The following FLNB variants were observed in gnomAD, a reference collection of about 807,000 sequenced individuals.
The protein encoded by FLNB is filamin B, also known as filamin-B.
In FLNB, 111 loss-of-function variants were observed where a neutral mutation model predicts 250.6. The ratio of observed to expected loss-of-function variants is 0.44; its 90% CI spans 0.38 to 0.52. The LOEUF is 0.52. Ranked by LOEUF, FLNB falls within the 20% of genes least tolerant of loss-of-function variation. The pLI is 0.00. For missense variants in FLNB, 2,869 were observed against 3,447.8 expected (o/e 0.83, Z 4.20); for synonymous variants, 1,302 against 1,372.1 (o/e 0.95, Z 1.13).
At position 58,008,872 on chromosome 3, in the gene FLNB, G is replaced by A. The variant is rs761661209; in HGVS notation, c.292+16G>A. ...GTGTCCATCGGTGAGTTCTCTGGCC[G>A]GGCCCAGGCGCCCACTGTGGTGCCG... On this transcript the variant is annotated intron_variant, in intron 1 of 45. Coordinates refer to ENST00000295956, the MANE Select transcript of FLNB (RefSeq NM_001457.4). 1.2e-6 allele frequency: 2 copies of A among 1,613,292 alleles called. No homozygotes were observed. The highest frequency in any genetic ancestry group is 2.2e-5 in the South Asian group (2 of 91,072).
intron 1 of FLNB, among the ~76,000 whole-genome samples, chr3:58,049,555 G>T (rs764487076): frequency 1.3e-5 from 2 of 152,192 alleles, no homozygotes; most frequent in Non-Finnish European, 2.9e-5. Context: ...TCCAGTTTTG[G>T]TAATAAATGG....
intron 36 of FLNB, 141 bp downstream of exon 36, chr3:58,148,993 T>C: frequency 1.3e-6 from 1 of 788,036 alleles, no homozygotes; most frequent in Non-Finnish European, 2.2e-6. Flanking sequence ...CTGCATTGTC[T>C]TTTATGCCTC....
At chr3:58,092,746 T>TA (rs1205234883) in intron 4 of FLNB, among the ~76,000 whole-genome samples, 1 of 152,174 alleles carries the variant, frequency 6.6e-6, no homozygotes, top group East Asian at 1.9e-4. Context: ...AATGAAAACT[T>TA]ACTGTATATG....
At chr3:58,050,037 T>C (rs1253931892) in intron 1 of FLNB, among the ~76,000 whole-genome samples, 2 of 142,690 alleles carry the variant, frequency 1.4e-5, no homozygotes, top group African/African-American at 2.7e-5. Flanking sequence ...TTTTTTTTTT[T>C]TCTTTTTTTT....
intron 35 of FLNB, 58 bp downstream of exon 35, chr3:58,148,422 C>A: frequency 6.4e-7 from 1 of 1,567,614 alleles, no homozygotes; most frequent in Non-Finnish European, 8.7e-7. Flanking sequence ...GAGATGGGGA[C>A]TCTTGCAGTC....
intron 19 of FLNB, among the ~76,000 whole-genome samples, chr3:58,119,941 C>T (rs138942070): frequency 1.1e-3 from 166 of 152,352 alleles, no homozygotes; most frequent in African/African-American, 3.8e-3. Context: ...ATCATTCACT[C>T]CTACATCTTT....
chr3:58,134,920 G>T, intron 27 of FLNB, 148 bp downstream of exon 27: 1 of 727,754 alleles, frequency 1.4e-6, no homozygotes, highest in Non-Finnish European at 2.3e-6. Flanking sequence ...TAAATGTGCA[G>T]AAGCAGAAGC....
chr3:58,143,630 G>A lies in FLNB; in HGVS notation c.5425+17G>A. On this transcript the variant is annotated intron_variant, in intron 32 of 45. Transcript: ENST00000295956. Reference sequence around the variant, plus strand: ...ACATCCCTGGTAAGCTGAGTCAGCAGGCCCAGCAGGGCTCCACCATTCAGG... The same window carrying A: ...ACATCCCTGGTAAGCTGAGTCAGCAAGCCCAGCAGGGCTCCACCATTCAGG... 1 of 1,613,338 alleles carries A rather than the reference G, an allele frequency of 6.2e-7. No homozygotes were observed. The highest frequency in any genetic ancestry group is 8.5e-7 in the Non-Finnish European group (1 of 1,180,026).
Position 58,096,123 on chromosome 3 carries a change from GC to G in FLNB, c.907-15del. ...ACACCCGGCACCTTTTCTAACTGTTGCCCACCTTCCCTCCTAGGCACAAGTG... is the reference window on the plus strand; with the variant it reads ...ACACCCGGCACCTTTTCTAACTGTTGCCACCTTCCCTCCTAGGCACAAGTG... On this transcript the variant is annotated splice_polypyrimidine_tract_variant and intron_variant, in intron 5 of 45. Transcript: ENST00000295956. 1 of 1,605,202 alleles carries G rather than the reference GC, an allele frequency of 6.2e-7. No homozygotes were observed. The highest frequency in any genetic ancestry group is 8.5e-7 in the Non-Finnish European group (1 of 1,172,554).
At chr3:58,145,709 T>C (rs2097334707) in intron 32 of FLNB, among the ~76,000 whole-genome samples, 1 of 152,122 alleles carries the variant, frequency 6.6e-6, no homozygotes, top group Admixed American at 6.5e-5. Context: ...TTTCTTATGT[T>C]GTGATTGAAG....
rs752628786 is a variant in FLNB, at chr3:58,150,161, C to T, written c.6301C>T (p.Arg2101Cys). The T allele has an allele frequency of 1.7e-5, 27 of 1,614,228 alleles. No individual in the cohort carries two copies. In the East Asian group the frequency reaches 3.8e-4, roughly 23 times the overall value. ...GEGRVKESITRTSRAPSVATV... is the reference protein window; with the variant it reads ...GEGRVKESITCTSRAPSVATV... ...GGGAAGAGTCAAAGAGAGCATCACC[C>T]GCACCAGTCGGGCCCCGTCCGTGGC... Residue 2101 changes from arginine to cysteine, a missense_variant, in exon 38 of 46, where the codon CGC becomes TGC. Arg to Cys is a radical substitution (Grantham distance 180). Transcript: ENST00000295956.
In FLNB at chr3:58,020,048, G is replaced by GGTGTGTGTGT. The variant is rs373280518; in HGVS notation, c.292+11231_292+11240dup. Among the ~76,000 whole-genome samples the GGTGTGTGTGT allele has an allele frequency of 8.8e-3, 1,210 of 136,962 alleles. 15 individuals are homozygous for GGTGTGTGTGT. Among genetic ancestry groups the GGTGTGTGTGT allele is most frequent in the African/African-American group, 0.01 (383 of 36,848 alleles). 89.9% of individuals were successfully genotyped at this position (136,962 alleles called of 152,430 possible). A position where few individuals can be genotyped will look rare whatever the true frequency, so the allele number is the denominator to read the frequency against. ...ACAGCACACACCATGACACCACAGG[G>GGTGTGTGTGT]GTGTGTGTGTGTGTGTGTGTGTGTG... On this transcript the variant is annotated intron_variant, in intron 1 of 45. Coordinates refer to ENST00000295956, the MANE Select transcript of FLNB (RefSeq NM_001457.4).
rs1174805764 is a variant in FLNB at position 58,024,701 on chromosome 3, C to CTTTTTTTTTTTTTTTTT, written c.292+15856_292+15872dup. On this transcript the variant is annotated intron_variant, in intron 1 of 45. Transcript: ENST00000295956. ...ATTTCTGGTCTTCTGGCCAAGCCTC[C>CTTTTTTTTTTTTTTTTT]TTTTTTTTTTTTTTTTTTTTTTTTT... is the stretch of plus-strand genomic sequence containing the variant. Among the ~76,000 whole-genome samples, 18 of 83,762 alleles carry CTTTTTTTTTTTTTTTTT rather than the reference C, an allele frequency of 2.1e-4. 2 individuals carry two copies. Among genetic ancestry groups the CTTTTTTTTTTTTTTTTT allele is most frequent in the South Asian group, 5.9e-4 (1 of 1,706 alleles). 55.0% of individuals were successfully genotyped at this position (83,762 alleles called of 152,430 possible). A position where few individuals can be genotyped will look rare whatever the true frequency, so the allele number is the denominator to read the frequency against.
intron 1 of FLNB, among the ~76,000 whole-genome samples, chr3:58,070,192 C>T (rs1013998769): frequency 3.3e-5 from 5 of 151,716 alleles, no homozygotes; most frequent in Admixed American, 1.3e-4. Context: ...GGATTACAGG[C>T]GCCTGCCATT....
At chr3:58,015,666 T>C (rs998449926) in intron 1 of FLNB, among the ~76,000 whole-genome samples, 3 of 152,080 alleles carry the variant, frequency 2.0e-5, no homozygotes, top group African/African-American at 7.2e-5. Flanking sequence ...CTGGGGACTT[T>C]GTTAAAAATG....
At chr3:58,067,608 T>G (rs992929903) in intron 1 of FLNB, among the ~76,000 whole-genome samples, 2 of 151,396 alleles carry the variant, frequency 1.3e-5, no homozygotes, top group African/African-American at 4.9e-5. Context: ...TTTTTTGTTT[T>G]TTTTTTGGGA....
At position 58,123,501 on chromosome 3, in the gene FLNB, G is replaced by A. The variant is rs17058845; in HGVS notation, c.3535G>A (p.Glu1179Lys). The A allele has an allele frequency of 4.2e-3, 6,673 of 1,603,820 alleles. 236 individuals carry two copies. In the African/African-American group the frequency reaches 0.078, roughly 19 times the overall value. ...EAVSDSGTKA[E>K]VSIQNNKDGT... Reference sequence around the variant, plus strand: ...TGTCTCGGACTCGGGAACAAAAGCCGAAGTCAGTATTCAGAACAACAAAGA... The same window carrying A: ...TGTCTCGGACTCGGGAACAAAAGCCAAAGTCAGTATTCAGAACAACAAAGA... The change falls in exon 21 of 46, where the codon GAA becomes AAA. Residue 1179 changes from glutamate (E) to lysine (K), a missense_variant. Physicochemically the swap from Glu to Lys is moderately conservative, Grantham distance 56. This residue lies in a region of FLNB where 1,348 missense variants were observed against 1,466.7 expected (regional missense o/e 0.92). Transcript: ENST00000295956.
At chr3:58,043,661 G>A (rs1258093505) in intron 1 of FLNB, among the ~76,000 whole-genome samples, 1 of 152,006 alleles carries the variant, frequency 6.6e-6, no homozygotes, top group Non-Finnish European at 1.5e-5. Context: ...TGGCATCTCT[G>A]GACCTTTATG....
In FLNB at chr3:58,159,326, C is replaced by G. The variant is rs112098486; in HGVS notation, c.6889-228C>G. On this transcript the variant is annotated intron_variant, in intron 41 of 45. Coordinates refer to ENST00000295956, the MANE Select transcript of FLNB (RefSeq NM_001457.4). ...TCAAGTATCCAAGCCCAGAAATCAT[C>G]TCTTCTAGGCTGAATCAAGATGGTT... 2.6e-3 allele frequency among the ~76,000 whole-genome samples: 398 copies of G among 152,324 alleles called. 3 individuals are homozygous for G. Among genetic ancestry groups the G allele is most frequent in the African/African-American group, 8.9e-3 (371 of 41,564 alleles).
Sources: gnomAD v4.1 joint callset for allele counts (sites outside exome capture counted in the v4.1 genomes callset) on GRCh38, gnomAD v4.1.1 for gene constraint, gnomAD v4.1.1 regional missense constraint, MANE v1.5 for transcripts, NCBI Gene and HGNC (gene_info 2026-07-23, HGNC 2026-07-21) for gene names.